Variants in TNFRSF1A observed in about 807,000 individuals in gnomAD.
TNFRSF1A encodes the protein tumor necrosis factor receptor superfamily member 1A.
TNFRSF1A carries 9 observed loss-of-function variants against 41.6 expected under a neutral mutation model. The ratio of observed to expected loss-of-function variants is 0.22; its 90% CI spans 0.13 to 0.38. The LOEUF (loss-of-function observed/expected upper bound fraction) is 0.38, where lower values mean the gene tolerates loss of function less well. Among genes scored for constraint, TNFRSF1A ranks in the 10% least tolerant of loss-of-function variants. The probability of loss-of-function intolerance (pLI) is 1.00; values close to 1 mark genes in which losing one functional copy is unlikely to be tolerated. For synonymous variants in TNFRSF1A, 254 were observed against 248.6 expected (o/e 1.02, Z -0.21); for missense variants, 463 against 591.5 (o/e 0.78, Z 2.25).
rs1428443670 is a variant in TNFRSF1A, at chr12:6,341,459, C to T, written c.39+317G>A. On this transcript the variant is annotated intron_variant, in intron 1 of 9. Coordinates refer to ENST00000162749, the MANE Select transcript of TNFRSF1A (RefSeq NM_001065.4). The surrounding 1 kb of genome is among the most constrained non-coding windows in gnomAD (Gnocchi z 4.6). ...CCTTCTTTTCCCCGCCAAATCTGCC[C>T]CACCCTGGGCCTATCTCCTGCCCAC... Among the ~76,000 whole-genome samples the T allele has an allele frequency of 6.6e-6, 1 of 152,258 alleles. No homozygotes were observed. Among genetic ancestry groups the T allele is most frequent in the Admixed American group, 6.5e-5 (1 of 15,290 alleles).
Position 6,329,572 on chromosome 12 carries a change from G to T in TNFRSF1A, c.1108C>A (p.Arg370Ser). 1 of 1,591,952 alleles carries T rather than the reference G, an allele frequency of 6.3e-7. No homozygotes were observed. The change falls in exon 10 of 10, where the codon CGC becomes AGC. Residue 370 changes from arginine to serine, a missense_variant. Physicochemically the swap from Arg to Ser is moderately radical, Grantham distance 110. This residue lies in a region of TNFRSF1A where 277 missense variants were observed against 288.8 expected (regional missense o/e 0.96). Coordinates refer to ENST00000162749, the MANE Select transcript of TNFRSF1A (RefSeq NM_001065.4). ...AGGCGCCGCACGAATTCCTTCCAGC[G>T]CAACGGGGGCACGTTCTCCACCACG... Reference protein sequence around the residue: ...YAVVENVPPLRWKEFVRRLGL... With the variant: ...YAVVENVPPLSWKEFVRRLGL...
rs1311492845 is a variant in TNFRSF1A at position 6,329,198 on chromosome 12, T to A, written c.*114A>T. The A allele has an allele frequency of 3.1e-5, 32 of 1,044,802 alleles. No individual in the cohort carries two copies. Among genetic ancestry groups the A allele is most frequent in the Non-Finnish European group, 4.1e-5 (31 of 759,532 alleles). The allele number at this position is 1,044,802 out of a possible 1,614,324, so 64.7% of individuals were successfully genotyped here. A position where few individuals can be genotyped will look rare whatever the true frequency, so the allele number is the denominator to read the frequency against. On this transcript the variant is annotated 3_prime_UTR_variant, in exon 10 of 10. Transcript: ENST00000162749. The stretch of plus-strand genomic sequence containing the variant: ...TGTACATCGAGGGGTTAGCACCAAG[T>A]AGGCGGCTGCTAGCTCCTGCTTGCC...
intron 1 of TNFRSF1A, among the ~76,000 whole-genome samples, chr12:6,338,965 C>T (rs887750576): frequency 2.6e-5 from 4 of 152,178 alleles, no homozygotes; most frequent in African/African-American, 9.7e-5. Context: ...ACAGTCTGGG[C>T]ACAGAATGTG....
Position 6,333,481 on chromosome 12 carries a change from C to T in TNFRSF1A, c.358G>A (p.Asp120Asn). The T allele has an allele frequency of 6.2e-7, 1 of 1,613,540 alleles. No homozygotes were observed. Among genetic ancestry groups the T allele is most frequent in the Non-Finnish European group, 8.5e-7 (1 of 1,179,768 alleles). The change falls in exon 4 of 10, where the codon GAC (aspartate) becomes AAC (asparagine). Residue 120 changes from aspartate (D) to asparagine (N), a missense_variant. This residue lies in a region of TNFRSF1A where 149 missense variants were observed against 239.4 expected (regional missense o/e 0.62). Coordinates refer to ENST00000162749, the MANE Select transcript of TNFRSF1A (RefSeq NM_001065.4). The surrounding 1 kb of genome is among the most constrained non-coding windows in gnomAD (Gnocchi z 6.3). Reference protein sequence around the residue: ...GQVEISSCTVDRDTVCGCRKN... With the variant: ...GQVEISSCTVNRDTVCGCRKN... Reference sequence around the variant, plus strand: ...CTGCAGCCACACACGGTGTCCCGGTCCACTGTGCAAGAAGAGATCTCCACC... The same window carrying T: ...CTGCAGCCACACACGGTGTCCCGGTTCACTGTGCAAGAAGAGATCTCCACC...
Position 6,332,446 on chromosome 12 carries a change from A to C in TNFRSF1A, c.551+623T>G, listed in dbSNP as rs544363591. Among the ~76,000 whole-genome samples, 24 of 151,296 alleles carry C rather than the reference A, an allele frequency of 1.6e-4. No homozygotes were observed. The East Asian group carries it at 4.5e-3, about 28-fold the overall frequency. ...GAAACCCTGTCTCAAAAAAAAAAAA[A>C]AAAAAAAAACACCAAAAGAAAAGTC... On this transcript the variant is annotated intron_variant, in intron 5 of 9. Coordinates refer to ENST00000162749, the MANE Select transcript of TNFRSF1A (RefSeq NM_001065.4).
rs750056341 is a variant in TNFRSF1A, at chr12:6,333,242, A to G, written c.473-95T>C. The G allele has an allele frequency of 3.0e-5, 46 of 1,551,996 alleles. No individual in the cohort carries two copies. The highest frequency in any genetic ancestry group is 1.6e-4 in the Admixed American group (9 of 55,450). On this transcript the variant is annotated intron_variant, in intron 4 of 9. Coordinates refer to ENST00000162749, the MANE Select transcript of TNFRSF1A (RefSeq NM_001065.4). This position sits in a 1 kb window ranked among gnomAD's most constrained non-coding sequence, Gnocchi z 6.3. ...GACGAGGGACAGGGTGGGGGCGGCC[A>G]GAGAGGAGTTGGTTGTCAGACCCAC...
rs45537340 is a variant in TNFRSF1A at position 6,342,047 on chromosome 12, G to A, written c.-233C>T. The A allele has an allele frequency of 9.4e-4, 568 of 605,514 alleles. 6 individuals are homozygous for A. The East Asian group carries it at 0.015, about 16-fold the overall frequency. 37.5% of individuals were successfully genotyped at this position (605,514 alleles called of 1,614,324 possible). ...AATTCTGAGAAAATTAAAGCAGAGA[G>A]GAGGGGAGAGAAGGTGGGAGGGGAA... On this transcript the variant is annotated 5_prime_UTR_variant, in exon 1 of 10. Coordinates refer to ENST00000162749, the MANE Select transcript of TNFRSF1A (RefSeq NM_001065.4).
intron 8 of TNFRSF1A, 68 bp downstream of exon 8, chr12:6,330,199 T>A: frequency 6.2e-7 from 1 of 1,613,366 alleles, no homozygotes; most frequent in Non-Finnish European, 8.5e-7. Flanking sequence ...TTCCAGGGGA[T>A]CTGAGCATTA....
In TNFRSF1A at chr12:6,337,606, T is replaced by C. The variant is rs1948137415; in HGVS notation, c.40-3362A>G. On this transcript the variant is annotated intron_variant, in intron 1 of 9. Transcript: ENST00000162749. This position sits in a 1 kb window ranked among gnomAD's most constrained non-coding sequence, Gnocchi z 4.6. Reference sequence around the variant, plus strand: ...CCATCTCCCTCCCGTGAAGCCACCATTGACGATGTCTGTTTCCTCCACCCC... The same window carrying C: ...CCATCTCCCTCCCGTGAAGCCACCACTGACGATGTCTGTTTCCTCCACCCC... Among the ~76,000 whole-genome samples the C allele has an allele frequency of 2.0e-5, 3 of 152,180 alleles. No individual in the cohort carries two copies. Among genetic ancestry groups the C allele is most frequent in the African/African-American group, 7.2e-5 (3 of 41,440 alleles).
chr12:6,330,976 C>G (rs1296202461), intron 5 of TNFRSF1A, 50 bp from the exon 6 acceptor site: 13 of 1,466,396 alleles, frequency 8.9e-6, no homozygotes, highest in Non-Finnish European at 1.1e-5. Flanking sequence ...ATTGGAGGAA[C>G]ACAGAAAAAC....
rs1948141611 is a variant in TNFRSF1A, at chr12:6,337,971, A to T, written c.40-3727T>A. ...CAGCACCCCTGGTAGGAATATATTT[A>T]TCTCCGGGGGAGAGTTTTCAGACCA... On this transcript the variant is annotated intron_variant, in intron 1 of 9. Transcript: ENST00000162749. This position sits in a 1 kb window ranked among gnomAD's most constrained non-coding sequence, Gnocchi z 4.6. 6.6e-6 allele frequency among the ~76,000 whole-genome samples: 1 copy of T among 152,034 alleles called. No individual in the cohort carries two copies. The highest frequency in any genetic ancestry group is 2.1e-4 in the South Asian group (1 of 4,820).
rs150408610 is a variant in TNFRSF1A at position 6,329,831 on chromosome 12, G to T, written c.1004C>A (p.Pro335His). ...LATALASDPI[P>H]NPLQKWEDSA... is the part of the protein sequence containing the mutation. ...GTCCTCCCACTTCTGAAGGGGGTTG[G>T]GGATGGGGTCGGAGGCGAGGGCTGT... Residue 335 changes from proline to histidine, a missense_variant, in exon 9 of 10, where the codon CCC (proline) becomes CAC (histidine). Transcript: ENST00000162749. 7 of 1,605,170 alleles carry T rather than the reference G, an allele frequency of 4.4e-6. No individual in the cohort carries two copies. The African/African-American group carries it at 6.7e-5, about 15-fold the overall frequency.
chr12:6,336,617 A>C (rs1948123175), intron 1 of TNFRSF1A, among the ~76,000 whole-genome samples: 1 of 150,078 alleles, frequency 6.7e-6, no homozygotes, highest in African/African-American at 2.5e-5. Context: ...TCCCCATTCC[A>C]TCCCGAAGGG....
Position 6,333,648 on chromosome 12 carries a change from C to T in TNFRSF1A, c.322+89G>A. On this transcript the variant is annotated intron_variant, in intron 3 of 9. Coordinates refer to ENST00000162749, the MANE Select transcript of TNFRSF1A (RefSeq NM_001065.4). This position sits in a 1 kb window ranked among gnomAD's most constrained non-coding sequence, Gnocchi z 6.3. ...TGCAGTGTCCCACCAAAACACACAC[C>T]TTCCTGCCCACACCCACCAGCCTGC... is the stretch of plus-strand genomic sequence containing the variant. The T allele has an allele frequency of 6.4e-7, 1 of 1,567,554 alleles. No individual in the cohort carries two copies. Among genetic ancestry groups the T allele is most frequent in the African/African-American group, 1.4e-5 (1 of 73,946 alleles).
chr12:6,330,232 G>A (rs1948028406), intron 8 of TNFRSF1A, 35 bp downstream of exon 8: 1 of 1,614,048 alleles, frequency 6.2e-7, no homozygotes, highest in African/African-American at 1.3e-5. Flanking sequence ...GAATGGTCAG[G>A]GACATTTGGG....
In TNFRSF1A at chr12:6,329,763, G is replaced by GC. The variant is rs1565465921; in HGVS notation, c.1057+14dup. 3.8e-6 allele frequency: 6 copies of GC among 1,594,244 alleles called. No individual in the cohort carries two copies. In the South Asian group the frequency reaches 6.8e-5, roughly 18 times the overall value. On this transcript the variant is annotated intron_variant, in intron 9 of 9. Transcript: ENST00000162749. Reference sequence around the variant, plus strand: ...TCCCCCAGCCTCCTCGTCTCCAGCCGCGGGAGAAACTCACTGTCTAGGCTC... The same window carrying GC: ...TCCCCCAGCCTCCTCGTCTCCAGCCGCCGGGAGAAACTCACTGTCTAGGCTC...
intron 5 of TNFRSF1A, chr12:6,332,135 T>C (rs1022416782): frequency 2.7e-5 from 6 of 222,628 alleles, no homozygotes; most frequent in African/African-American, 9.6e-5. Flanking sequence ...ATGCTTACTT[T>C]AAATATAAGA....
rs749886065 is a variant in TNFRSF1A, at chr12:6,329,998, G to A, written c.837C>T (p.Phe279=). Residue 279 remains phenylalanine (F), a synonymous_variant, in exon 9 of 10, where the codon TTC becomes TTT. Transcript: ENST00000162749. ...PNPSFSPTPG[F]TPTLGFSPVP... ...CGGGACTGAAGCCCAGGGTGGGGGTGAAGCCTGGAGTGGGACTGAAGCTTG... is the reference window on the plus strand; with the variant it reads ...CGGGACTGAAGCCCAGGGTGGGGGTAAAGCCTGGAGTGGGACTGAAGCTTG... 3.7e-6 allele frequency: 6 copies of A among 1,602,262 alleles called. No individual in the cohort carries two copies. Among genetic ancestry groups the A allele is most frequent in the East Asian group, 2.3e-5 (1 of 44,426 alleles).
chr12:6,334,413 G>A lies in TNFRSF1A; in HGVS notation c.40-169C>T, dbSNP rs1353731323. On this transcript the variant is annotated intron_variant, in intron 1 of 9. Coordinates refer to ENST00000162749, the MANE Select transcript of TNFRSF1A (RefSeq NM_001065.4). The surrounding 1 kb of genome is among the most constrained non-coding windows in gnomAD (Gnocchi z 5.1). ...TTCTTCCTTGAAACTTAGACAGTTG[G>A]GGCCATACAATCTGATGCTTAATTG... is the stretch of plus-strand genomic sequence containing the variant. Among the ~76,000 whole-genome samples the A allele has an allele frequency of 6.6e-6, 1 of 152,150 alleles. No individual in the cohort carries two copies. Among genetic ancestry groups the A allele is most frequent in the Non-Finnish European group, 1.5e-5 (1 of 68,038 alleles).
Sources: gnomAD v4.1 joint callset for allele counts (sites outside exome capture counted in the v4.1 genomes callset) on GRCh38, gnomAD v4.1.1 for gene constraint, gnomAD v4.1.1 regional missense constraint, Gnocchi (gnomAD v3.1) non-coding constraint, MANE v1.5 for transcripts, NCBI Gene and HGNC (gene_info 2026-07-23, HGNC 2026-07-21) for gene names.